Variants in ATRX observed in about 807,000 individuals in gnomAD.
ATRX encodes the protein ATRX chromatin remodeler.
ATRX carries 12 observed loss-of-function variants against 172.6 expected under a neutral mutation model. The observed-to-expected ratio is 0.07, with a 90% CI of 0.04 to 0.11. ATRX has a LOEUF of 0.11. ATRX is among the 10% of genes least tolerant of loss of function. ATRX has a pLI of 1.00. For missense variants in ATRX, 1,368 were observed against 1,767.4 expected (o/e 0.77, Z 4.05); for synonymous variants, 674 against 594.7 (o/e 1.13, Z -1.94).
chrX:77,760,448 C>T (rs2075674330), intron 1 of ATRX, among the ~76,000 whole-genome samples: 1 of 77,026 alleles, frequency 1.3e-5, no homozygotes, highest in Admixed American at 2.0e-4. Flanking sequence ...GAACATCACA[C>T]TCTGGGGACT....
intron 2 of ATRX, among the ~76,000 whole-genome samples, chrX:77,716,674 C>T (rs1002386086): frequency 9.0e-6 from 1 of 110,571 alleles, no homozygotes; most frequent in Non-Finnish European, 1.9e-5. Flanking sequence ...GCCCAAGAGG[C>T]GGAAGTTGCA....
intron 2 of ATRX, among the ~76,000 whole-genome samples, chrX:77,699,073 T>C (rs2072349913): frequency 9.2e-6 from 1 of 108,886 alleles, no homozygotes; most frequent in Non-Finnish European, 1.9e-5. Context: ...ACTAATGAAA[T>C]AGGAAATAGA....
chrX:77,684,620 T>C (rs782044247), intron 8 of ATRX, 27 bp from the exon 9 acceptor site: 4 of 1,165,279 alleles, frequency 3.4e-6, no homozygotes, highest in Non-Finnish European at 3.5e-6. Context: ...ATTAAAACAT[T>C]ATTCCCTTCT....
intron 9 of ATRX, among the ~76,000 whole-genome samples, chrX:77,677,659 C>A: frequency 1.3e-5 from 1 of 77,062 alleles, no homozygotes; most frequent in East Asian, 3.8e-4. Flanking sequence ...TCTGAGACCT[C>A]CCTGTATTTT....
chrX:77,559,658 T>G (rs782504660), intron 28 of ATRX, among the ~76,000 whole-genome samples: 1 of 108,716 alleles, frequency 9.2e-6, no homozygotes, highest in South Asian at 4.1e-4. Context: ...GGTTTCACCA[T>G]GTTGGCCAGG....
chrX:77,695,892 T>C (rs1315921428), intron 5 of ATRX, among the ~76,000 whole-genome samples: 1 of 111,635 alleles, frequency 9.0e-6, no homozygotes, highest in African/African-American at 3.2e-5. Context: ...ACATATTATT[T>C]AACAAAGAAA....
At chrX:77,521,938 A>G in intron 32 of ATRX, 1 of 248,745 alleles carries the variant, frequency 4.0e-6, no homozygotes, top group Admixed American at 6.1e-5. Flanking sequence ...TCTTACTTTC[A>G]AACAGTAAGA....
chrX:77,725,416 C>A (rs1262562519), intron 1 of ATRX, among the ~76,000 whole-genome samples: 1 of 111,835 alleles, frequency 8.9e-6, no homozygotes, highest in East Asian at 2.8e-4. Flanking sequence ...ACTGGCTAGC[C>A]ATATGGAGAA....
chrX:77,644,580 T>TA (rs782323244), intron 15 of ATRX, among the ~76,000 whole-genome samples: 10 of 110,140 alleles, frequency 9.1e-5, no homozygotes, highest in South Asian at 7.7e-4. Flanking sequence ...CTTAAAGTAT[T>TA]AAAAAAAATC....
At chrX:77,692,381 A>C (rs1287748375) in intron 6 of ATRX, among the ~76,000 whole-genome samples, 2 of 112,048 alleles carry the variant, frequency 1.8e-5, no homozygotes, top group East Asian at 5.5e-4. Flanking sequence ...CCTTATGCTC[A>C]AAAGGAGTTG....
chrX:77,697,203 T>C (rs782453204), intron 4 of ATRX, among the ~76,000 whole-genome samples: 2 of 111,903 alleles, frequency 1.8e-5, no homozygotes, highest in African/African-American at 6.5e-5. Context: ...ACAACTATGA[T>C]GACTAACTTC....
At chrX:77,611,640 T>C (rs1369905163) in intron 22 of ATRX, among the ~76,000 whole-genome samples, 1 of 111,283 alleles carries the variant, frequency 9.0e-6, no homozygotes, top group East Asian at 2.8e-4. Context: ...GGGTATCACT[T>C]GAGCCCAGAA....
intron 28 of ATRX, among the ~76,000 whole-genome samples, chrX:77,562,648 G>A (rs1400703141): frequency 9.0e-6 from 1 of 111,634 alleles, no homozygotes; most frequent in Non-Finnish European, 1.9e-5. Flanking sequence ...GGGCTCAAGT[G>A]ATCCTCCTTC....
intron 1 of ATRX, among the ~76,000 whole-genome samples, chrX:77,739,956 G>C (rs1557181200): frequency 9.6e-6 from 1 of 103,864 alleles, no homozygotes; most frequent in Non-Finnish European, 2.0e-5. Flanking sequence ...GGGAGGCTGA[G>C]GCAGGAGAAT....
intron 1 of ATRX, among the ~76,000 whole-genome samples, chrX:77,757,684 T>G (rs950504464): frequency 1.8e-4 from 20 of 109,540 alleles, no homozygotes; most frequent in Non-Finnish European, 3.4e-4. Flanking sequence ...TTTTTTTTTT[T>G]TTTTGGAGAC....
At chrX:77,650,214 A>G (rs2069144249) in intron 15 of ATRX, among the ~76,000 whole-genome samples, 1 of 112,197 alleles carries the variant, frequency 8.9e-6, no homozygotes, top group African/African-American at 3.2e-5. Context: ...GAGGAGCTGT[A>G]CCACAAAAAA....
At chrX:77,687,829 T>C (rs782310033) in intron 7 of ATRX, among the ~76,000 whole-genome samples, 121 of 112,226 alleles carry the variant, frequency 1.1e-3, no homozygotes, top group African/African-American at 3.9e-3. Flanking sequence ...AAGGAAAACA[T>C]GGCCTGCCAC....
At chrX:77,664,570 T>C (rs1170247016) in intron 11 of ATRX, 75 bp downstream of exon 11, 3 of 1,163,653 alleles carry the variant, frequency 2.6e-6, no homozygotes, top group African/African-American at 3.6e-5. Flanking sequence ...TATTTCTTGG[T>C]CAGATATTCT....
intron 1 of ATRX, among the ~76,000 whole-genome samples, chrX:77,779,070 G>A (rs2076473123): frequency 1.9e-5 from 2 of 104,919 alleles, no homozygotes; most frequent in Admixed American, 2.1e-4. Flanking sequence ...TGGCACTACA[G>A]GCGCCCGCCA....
Sources: gnomAD v4.1 joint callset for allele counts (sites outside exome capture counted in the v4.1 genomes callset) on GRCh38, gnomAD v4.1.1 for gene constraint, MANE v1.5 for transcripts, NCBI Gene and HGNC (gene_info 2026-07-23, HGNC 2026-07-21) for gene names.